The following LINGO2 variants were observed in gnomAD, a reference collection of about 807,000 sequenced individuals.
LINGO2 encodes leucine-rich repeat and immunoglobulin-like domain-containing nogo receptor-interacting protein 2.
In LINGO2, 14 loss-of-function variants were observed where a neutral mutation model predicts 30.6. The ratio of observed to expected loss-of-function variants is 0.46; its 90% CI spans 0.30 to 0.72. The LOEUF (loss-of-function observed/expected upper bound fraction) is 0.72. LINGO2 is among the 30% of genes least tolerant of loss of function. LINGO2 has a pLI of 0.07. For missense variants in LINGO2, 729 were observed against 751.7 expected, an observed-to-expected ratio of 0.97 and a Z score of 0.35; for synonymous variants, 317 against 288.5, an observed-to-expected ratio of 1.10 and a Z score of -1.00.
At chr9:28,770,608 G>T in the LINGO2 span, among the ~76,000 whole-genome samples, 682 of 152,208 alleles carry the variant, frequency 4.5e-3, 4 homozygotes, top group Non-Finnish European at 7.5e-3. Context: ...CTTACATTAC[G>T]TGCTGGGTTA....
the LINGO2 span, among the ~76,000 whole-genome samples, chr9:28,761,498 A>G: frequency 1.3e-5 from 2 of 150,350 alleles, no homozygotes; most frequent in African/African-American, 4.9e-5. Flanking sequence ...ACACACACAC[A>G]CGCACACACA....
chr9:28,284,673 G>C (rs1337079933), intron 4 of LINGO2, among the ~76,000 whole-genome samples: 1 of 152,098 alleles, frequency 6.6e-6, no homozygotes, highest in Non-Finnish European at 1.5e-5. Context: ...TGTACTTCAA[G>C]GTAGTATCTC....
At chr9:28,375,251 C>A (rs1283768738) in intron 2 of LINGO2, among the ~76,000 whole-genome samples, 1 of 152,144 alleles carries the variant, frequency 6.6e-6, no homozygotes, top group East Asian at 1.9e-4. Context: ...AGCTGTCCAA[C>A]CTAATAGCAA....
intron 4 of LINGO2, among the ~76,000 whole-genome samples, chr9:28,094,452 T>A (rs1317797352): frequency 6.6e-6 from 1 of 151,968 alleles, no homozygotes; most frequent in Non-Finnish European, 1.5e-5. Context: ...ATCTTCTAAA[T>A]TTGGTAAAAA....
At chr9:29,142,523 A>C in the LINGO2 span, among the ~76,000 whole-genome samples, 1 of 151,898 alleles carries the variant, frequency 6.6e-6, no homozygotes, top group African/African-American at 2.4e-5. Context: ...AATTCAGTTC[A>C]AAATTAGCAG....
chr9:28,288,898 A>G (rs1823617513), intron 4 of LINGO2, among the ~76,000 whole-genome samples: 1 of 152,208 alleles, frequency 6.6e-6, no homozygotes, highest in African/African-American at 2.4e-5. Flanking sequence ...AGCATAGCCC[A>G]TTAATGGGGC....
intron 1 of LINGO2, among the ~76,000 whole-genome samples, chr9:28,669,502 G>T (rs2136039486): frequency 6.6e-6 from 1 of 152,020 alleles, no homozygotes; most frequent in African/African-American, 2.4e-5. Context: ...ATAGTAAAAA[G>T]AAAACACAGT....
At chr9:28,247,044 C>A (rs1469469708) in intron 4 of LINGO2, among the ~76,000 whole-genome samples, 1 of 152,138 alleles carries the variant, frequency 6.6e-6, no homozygotes, top group Non-Finnish European at 1.5e-5. Flanking sequence ...ATCAAAACCA[C>A]AATGGAATAC....
chr9:28,187,638 T>C (rs530218767), intron 4 of LINGO2, among the ~76,000 whole-genome samples: 1 of 152,198 alleles, frequency 6.6e-6, no homozygotes, highest in South Asian at 2.1e-4. Flanking sequence ...TTTCCGATAT[T>C]TTAGGTTTGC....
At chr9:28,696,853 G>A in the LINGO2 span, among the ~76,000 whole-genome samples, 1 of 151,796 alleles carries the variant, frequency 6.6e-6, no homozygotes, top group Admixed American at 6.6e-5. Context: ...GAGCTAAGGA[G>A]GTTAGATTTT....
the LINGO2 span, among the ~76,000 whole-genome samples, chr9:28,978,610 T>C: frequency 6.6e-6 from 1 of 152,100 alleles, no homozygotes; most frequent in South Asian, 2.1e-4. Flanking sequence ...ATATTGAGAG[T>C]ATTTTGTTTC....
chr9:28,637,441 T>A (rs910534178), intron 1 of LINGO2, among the ~76,000 whole-genome samples: 9 of 152,220 alleles, frequency 5.9e-5, no homozygotes, highest in Admixed American at 4.6e-4. Flanking sequence ...TATTAATTCT[T>A]CCTATCCATG....
intron 4 of LINGO2, among the ~76,000 whole-genome samples, chr9:28,286,279 G>A (rs1823505186): frequency 6.6e-6 from 1 of 152,166 alleles, no homozygotes; most frequent in Non-Finnish European, 1.5e-5. Context: ...TGACCAGTCA[G>A]AATGGCTACT....
intron 4 of LINGO2, among the ~76,000 whole-genome samples, chr9:28,277,590 G>C (rs531810210): frequency 4.1e-4 from 62 of 152,038 alleles, no homozygotes; most frequent in African/African-American, 1.4e-3. Context: ...GGTCACCTGA[G>C]GTCAGGAGTT....
chr9:28,175,869 C>T (rs1290486154), intron 4 of LINGO2, among the ~76,000 whole-genome samples: 1 of 152,180 alleles, frequency 6.6e-6, no homozygotes. Context: ...CAAGACAACT[C>T]TGGATGAAGC....
the LINGO2 span, among the ~76,000 whole-genome samples, chr9:28,775,217 G>A: frequency 3.9e-5 from 6 of 152,048 alleles, no homozygotes; most frequent in Admixed American, 3.3e-4. Context: ...GAAAGGTCCC[G>A]GTGTTTTGGT....
the LINGO2 span, among the ~76,000 whole-genome samples, chr9:28,939,849 C>T: frequency 6.6e-6 from 1 of 152,026 alleles, no homozygotes; most frequent in East Asian, 1.9e-4. Flanking sequence ...TGGTCTTTAC[C>T]TTTATTAAGA....
At chr9:28,159,542 AAGCTAATTAAC>A (rs1564009028) in intron 4 of LINGO2, among the ~76,000 whole-genome samples, 1 of 152,172 alleles carries the variant, frequency 6.6e-6, no homozygotes, top group African/African-American at 2.4e-5. Flanking sequence ...TGATTAAACC[AAGCTAATTAAC>A]AAGTCCATTT....
chr9:28,991,401 A>T, the LINGO2 span, among the ~76,000 whole-genome samples: 1 of 151,564 alleles, frequency 6.6e-6, no homozygotes, highest in African/African-American at 2.4e-5. Flanking sequence ...GGTGTACCTG[A>T]AACTGATGGG....
Sources: gnomAD v4.1 joint callset for allele counts (sites outside exome capture counted in the v4.1 genomes callset) on GRCh38, gnomAD v4.1.1 for gene constraint, MANE v1.5 for transcripts, NCBI Gene and HGNC (gene_info 2026-07-23, HGNC 2026-07-21) for gene names.